Variants in SMARCB1 observed in about 807,000 individuals in gnomAD.
SMARCB1 encodes the protein SWI/SNF related BAF chromatin remodeling complex subunit B1.
Under a neutral mutation model 49.0 loss-of-function variants are expected in SMARCB1, and 5 were observed. The ratio of observed to expected loss-of-function variants is 0.10; its 90% CI spans 0.05 to 0.21. The LOEUF (loss-of-function observed/expected upper bound fraction) is 0.21, where lower values mean the gene tolerates loss of function less well. SMARCB1 is among the 10% of genes least tolerant of loss of function. The pLI, the probability that SMARCB1 is intolerant of heterozygous loss-of-function variation, is 1.00. For synonymous variants in SMARCB1, 201 were observed against 200.1 expected, an observed-to-expected ratio of 1.00 and a Z score of -0.04; for missense variants, 226 against 509.2, an observed-to-expected ratio of 0.44 and a Z score of 5.35.
chr22:23,818,095 G>T (rs187292287), intron 6 of SMARCB1: 1 of 150,730 alleles, frequency 6.6e-6, no homozygotes, highest in South Asian at 2.1e-4. Context: ...CAAAGTGCTG[G>T]GATTACAGGC....
chr22:23,834,586 G>T lies in SMARCB1; in HGVS notation c.*406G>T. ...AGAGCCAGGAGTGGGGCCGGGGCCT[G>T]GGGGGACGAAGGTGGTATGTGAACA... On this transcript the variant is annotated 3_prime_UTR_variant, in exon 9 of 9. Coordinates refer to ENST00000644036, the MANE Select transcript of SMARCB1 (RefSeq NM_003073.5). 1.4e-6 allele frequency: 1 copy of T among 708,080 alleles called. No homozygotes were observed. The highest frequency in any genetic ancestry group is 2.5e-6 in the Non-Finnish European group (1 of 394,576). The allele number at this position is 708,080 out of a possible 1,614,324, so 43.9% of individuals were successfully genotyped here.
intron 7 of SMARCB1, among the ~76,000 whole-genome samples, chr22:23,828,212 C>T (rs982950707): frequency 6.6e-6 from 1 of 152,136 alleles, no homozygotes; most frequent in Non-Finnish European, 1.5e-5. Context: ...GCCACCACGC[C>T]CAGCTAATTT....
intron 4 of SMARCB1, chr22:23,802,962 C>T (rs1334251729): frequency 2.4e-6 from 1 of 421,358 alleles, no homozygotes; most frequent in Non-Finnish European, 4.5e-6. Flanking sequence ...TCTGGAAATG[C>T]CCTTCTCCTT....
rs1249809044 is a variant in SMARCB1, at chr22:23,836,894, G to A, written c.*2714G>A. 1.3e-6 allele frequency: 2 copies of A among 1,493,544 alleles called. No homozygotes were observed. Among genetic ancestry groups the A allele is most frequent in the South Asian group, 2.8e-5 (2 of 72,590 alleles). The allele number at this position is 1,493,544 out of a possible 1,614,324, so 92.5% of individuals were successfully genotyped here. ...TCACTGCTGCGGGGGTGGCAGATGG[G>A]GTCCTGGCTGTTCCTCAGGGAGGGG... On this transcript the variant is annotated 3_prime_UTR_variant, in exon 9 of 9. Coordinates refer to ENST00000644036, the MANE Select transcript of SMARCB1 (RefSeq NM_003073.5).
chr22:23,811,181 C>T (rs561543949), intron 5 of SMARCB1, among the ~76,000 whole-genome samples: 1 of 152,208 alleles, frequency 6.6e-6, no homozygotes, highest in South Asian at 2.1e-4. Flanking sequence ...AAGATAAGTT[C>T]ATCAAGACAT....
In SMARCB1 at chr22:23,787,183, C is replaced by T. The variant is rs1568933235; in HGVS notation, c.14C>T (p.Ala5Val). Residue 5 changes from alanine to valine, a missense_variant, in exon 1 of 9, where the codon GCG becomes GTG. Ala to Val is a moderately conservative substitution (Grantham distance 64). Around this residue, in one of 6 missense-constraint regions of SMARCB1, gnomAD observed 37 missense variants for 36.9 expected, o/e 1.00. Coordinates refer to ENST00000644036, the MANE Select transcript of SMARCB1 (RefSeq NM_003073.5). ...TCTGCCGCCGCAATGATGATGATGG[C>T]GCTGAGCAAGACCTTCGGGCAGAAG... MMMMALSKTFGQKPV... is the reference protein window; with the variant it reads MMMMVLSKTFGQKPV... 6.2e-7 allele frequency: 1 copy of T among 1,607,440 alleles called. No homozygotes were observed. The highest frequency in any genetic ancestry group is 1.3e-5 in the African/African-American group (1 of 74,538).
At chr22:23,793,477 C>T in intron 2 of SMARCB1, 82 bp from the exon 3 acceptor site, 1 of 1,460,180 alleles carries the variant, frequency 6.8e-7, no homozygotes, top group East Asian at 2.3e-5. Context: ...ATGCGAGGAC[C>T]TTGATGTGCT....
At chr22:23,817,228 G>T in intron 6 of SMARCB1, 1 of 533,444 alleles carries the variant, frequency 1.9e-6, no homozygotes, top group Non-Finnish European at 3.4e-6. Flanking sequence ...TGATTGGCTG[G>T]GCCAGGCTGA....
Position 23,834,754 on chromosome 22 carries a change from T to C in SMARCB1, c.*574T>C, listed in dbSNP as rs1424264234. 9.5e-6 allele frequency: 14 copies of C among 1,467,508 alleles called. No homozygotes were observed. Among genetic ancestry groups the C allele is most frequent in the Non-Finnish European group, 1.3e-5 (14 of 1,115,006 alleles). 90.9% of individuals were successfully genotyped at this position (1,467,508 alleles called of 1,614,324 possible). A position where few individuals can be genotyped will look rare whatever the true frequency, so the allele number is the denominator to read the frequency against. On this transcript the variant is annotated 3_prime_UTR_variant, in exon 9 of 9. Transcript: ENST00000644036. Reference sequence around the variant, plus strand: ...TCCAGACCCAGAGAGCTGAGAAGAGTAGCTGTGAGGCTCAGGGCAAGAGGC... The same window carrying C: ...TCCAGACCCAGAGAGCTGAGAAGAGCAGCTGTGAGGCTCAGGGCAAGAGGC...
chr22:23,793,467 A>G, intron 2 of SMARCB1, 92 bp from the exon 3 acceptor site: 3 of 1,359,448 alleles, frequency 2.2e-6, no homozygotes, highest in Non-Finnish European at 2.1e-6. Flanking sequence ...CACCTCCCGC[A>G]TGCGAGGACC....
chr22:23,833,093 G>C (rs1601443902), intron 7 of SMARCB1, among the ~76,000 whole-genome samples: 1 of 152,184 alleles, frequency 6.6e-6, no homozygotes, highest in Non-Finnish European at 1.5e-5. Flanking sequence ...CTCAGTAGTG[G>C]GGGGCTGGGG....
At position 23,835,174 on chromosome 22, in the gene SMARCB1, A is replaced by G; in HGVS notation, c.*994A>G. 1 of 1,285,212 alleles carries G rather than the reference A, an allele frequency of 7.8e-7. No individual in the cohort carries two copies. The highest frequency in any genetic ancestry group is 9.8e-7 in the Non-Finnish European group (1 of 1,018,660). 79.6% of individuals were successfully genotyped at this position (1,285,212 alleles called of 1,614,324 possible). A position where few individuals can be genotyped will look rare whatever the true frequency, so the allele number is the denominator to read the frequency against. On this transcript the variant is annotated 3_prime_UTR_variant, in exon 9 of 9. Transcript: ENST00000644036. ...ACGGTACAGGGAGGAGACACAGCCC[A>G]GGGTCCCTTCCCAGCCCTGCCTCCA... is the stretch of plus-strand genomic sequence containing the variant.
At chr22:23,821,877 GAAA>G (rs1411743101) in intron 6 of SMARCB1, among the ~76,000 whole-genome samples, 1 of 145,736 alleles carries the variant, frequency 6.9e-6, no homozygotes, top group Non-Finnish European at 1.5e-5. Flanking sequence ...AAAAAAAAAA[GAAA>G]AAAGAGAAAA....
intron 7 of SMARCB1, among the ~76,000 whole-genome samples, chr22:23,832,221 A>G (rs5996620): frequency 0.88 from 134,286 of 152,048 alleles, 59,536 homozygotes; most frequent in Non-Finnish European, 0.92. Flanking sequence ...TGAGCCACCC[A>G]CTACAGGGAG....
intron 6 of SMARCB1, among the ~76,000 whole-genome samples, chr22:23,821,743 C>G (rs2030097789): frequency 6.6e-6 from 1 of 151,842 alleles, no homozygotes; most frequent in African/African-American, 2.4e-5. Flanking sequence ...CCCAGCTACT[C>G]TGGAGGCTGA....
chr22:23,787,617 C>G (rs1928096338), intron 1 of SMARCB1, among the ~76,000 whole-genome samples: 1 of 152,116 alleles, frequency 6.6e-6, no homozygotes, highest in Admixed American at 6.5e-5. Flanking sequence ...CTGCCTTTGA[C>G]CCTTTTTAGA....
At chr22:23,790,566 G>A (rs889140935) in intron 1 of SMARCB1, among the ~76,000 whole-genome samples, 2 of 151,324 alleles carry the variant, frequency 1.3e-5, no homozygotes, top group South Asian at 2.1e-4. Flanking sequence ...TAATTAGGCC[G>A]GGTATGTGGC....
Position 23,837,086 on chromosome 22 carries a change from G to C in SMARCB1, c.*2906G>C. 1 of 1,613,990 alleles carries C rather than the reference G, an allele frequency of 6.2e-7. No individual in the cohort carries two copies. The highest frequency in any genetic ancestry group is 8.5e-7 in the Non-Finnish European group (1 of 1,179,912). On this transcript the variant is annotated 3_prime_UTR_variant, in exon 9 of 9. Transcript: ENST00000644036. ...CACAGGAAGCCAGGGGTCTGCAGGAGCCTCTTGCCTCCAGGCTGGTTGGGG... is the reference window on the plus strand; with the variant it reads ...CACAGGAAGCCAGGGGTCTGCAGGACCCTCTTGCCTCCAGGCTGGTTGGGG...
At chr22:23,803,715 G>T (rs963362079) in intron 5 of SMARCB1, 1 of 486,976 alleles carries the variant, frequency 2.1e-6, no homozygotes, top group Non-Finnish European at 3.8e-6. Flanking sequence ...GACAATGCCA[G>T]TCAGACCTAG....
Sources: allele counts gnomAD v4.1 joint callset (sites outside exome capture counted in the v4.1 genomes callset), GRCh38; gene constraint gnomAD v4.1.1; regional missense constraint gnomAD v4.1.1; transcripts MANE v1.5; gene names NCBI Gene and HGNC (gene_info 2026-07-23, HGNC 2026-07-21).